Variants in BLK observed in about 807,000 individuals in gnomAD.
The protein encoded by BLK is BLK proto-oncogene, Src family tyrosine kinase, also known as tyrosine-protein kinase Blk.
In BLK, 64 loss-of-function variants were observed where a neutral mutation model predicts 61.8. The ratio of observed to expected loss-of-function variants is 1.03; its 90% CI spans 0.85 to 1.27. BLK has a LOEUF of 1.27. Among genes scored for constraint, BLK ranks in the 50% most tolerant of loss-of-function variants. The pLI, the probability that BLK is intolerant of heterozygous loss-of-function variation, is 0.00. For missense variants in BLK, 853 were observed against 660.5 expected, an observed-to-expected ratio of 1.29 and a Z score of -3.19; for synonymous variants, 351 against 272.0, an observed-to-expected ratio of 1.29 and a Z score of -2.86.
intron 1 of BLK, among the ~76,000 whole-genome samples, chr8:11,517,940 G>A (rs2618452): frequency 0.02 from 3,115 of 152,314 alleles, 104 homozygotes; most frequent in African/African-American, 0.072. Flanking sequence ...CCAGCCCTGT[G>A]CCCACTGAGG....
At chr8:11,499,650 G>C (rs1798483229) in intron 1 of BLK, among the ~76,000 whole-genome samples, 1 of 152,208 alleles carries the variant, frequency 6.6e-6, no homozygotes, top group African/African-American at 2.4e-5. Flanking sequence ...GAGAAGCCCA[G>C]AGAGGATGAC....
chr8:11,548,831 C>G (rs1312953990), intron 4 of BLK, among the ~76,000 whole-genome samples, 193 bp from the exon 5 acceptor site: 7 of 152,140 alleles, frequency 4.6e-5, no homozygotes, highest in African/African-American at 1.7e-4. Flanking sequence ...ATAAGCTCTT[C>G]CCCCTAGAAC....
At chr8:11,550,370 C>A in intron 6 of BLK, 108 bp downstream of exon 6, 1 of 1,057,424 alleles carries the variant, frequency 9.5e-7, no homozygotes, top group Non-Finnish European at 1.4e-6. Context: ...CCAGGAGAAC[C>A]AGCAGCTTCC....
At chr8:11,555,883 G>A in intron 8 of BLK, 1 of 339,434 alleles carries the variant, frequency 2.9e-6, no homozygotes, top group South Asian at 2.5e-5. Context: ...ACCGAGGGCA[G>A]CCGTGGGACT....
chr8:11,562,670 C>G (rs1801544260), intron 11 of BLK, among the ~76,000 whole-genome samples: 2 of 152,272 alleles, frequency 1.3e-5, no homozygotes, highest in South Asian at 4.1e-4. Flanking sequence ...CAGGCCCCTT[C>G]CATCCCAGGT....
rs1585423581 is a variant in BLK at position 11,561,454 on chromosome 8, T to C, written c.1180+2T>C. 6.2e-7 allele frequency: 1 copy of C among 1,613,416 alleles called. No homozygotes were observed. Among genetic ancestry groups the C allele is most frequent in the Non-Finnish European group, 8.5e-7 (1 of 1,179,794 alleles). ...ACAGTGAATACACGGCCCAAGAGGG[T>C]AAGCACAGCCCCTAACCACAAGGGA... On this transcript the variant is annotated splice_donor_variant, in intron 11 of 12. Transcript: ENST00000259089. LOFTEE classifies it high-confidence loss of function.
At chr8:11,562,929 T>C in intron 11 of BLK, 50 bp from the exon 12 acceptor site, 1 of 1,612,080 alleles carries the variant, frequency 6.2e-7, no homozygotes, top group African/African-American at 1.3e-5. Context: ...GGATGGAGGG[T>C]AGGGGCCACC....
At position 11,529,546 on chromosome 8, in the gene BLK, G is replaced by T. The variant is rs549373943; in HGVS notation, c.-1-13678G>T. Among the ~76,000 whole-genome samples, 8 of 152,256 alleles carry T rather than the reference G, an allele frequency of 5.3e-5. No homozygotes were observed. In the South Asian group the frequency reaches 1.0e-3, roughly 20 times the overall value. ...CAAGCGCTGATCTTAGGAGCAGTTT[G>T]GGGGGTGGGAGATCAGAATCTTGTA... On this transcript the variant is annotated intron_variant, in intron 1 of 12. Coordinates refer to ENST00000259089, the MANE Select transcript of BLK (RefSeq NM_001715.3).
intron 1 of BLK, among the ~76,000 whole-genome samples, chr8:11,512,654 T>TTTTGTTTGTTTGTTTG (rs34375861): frequency 8.6e-5 from 13 of 151,114 alleles, no homozygotes; most frequent in Admixed American, 8.6e-4. Flanking sequence ...AGGCTTCTGG[T>TTTTGTTTGTTTGTTTG]TTTGTTTGTT....
chr8:11,522,613 A>C (rs184105419), intron 1 of BLK, among the ~76,000 whole-genome samples: 1 of 152,290 alleles, frequency 6.6e-6, no homozygotes, highest in East Asian at 1.9e-4. Context: ...ATTTTGAAAC[A>C]GTGTCCCTTA....
intron 1 of BLK, among the ~76,000 whole-genome samples, chr8:11,511,916 C>T (rs981793080): frequency 2.0e-5 from 3 of 152,132 alleles, no homozygotes; most frequent in African/African-American, 7.2e-5. Flanking sequence ...CTCTTTCTGG[C>T]AGTGGATGCT....
chr8:11,548,206 C>A, intron 4 of BLK, 81 bp downstream of exon 4: 18 of 1,223,674 alleles, frequency 1.5e-5, no homozygotes, highest in Non-Finnish European at 2.0e-5. Flanking sequence ...ACCACATCCT[C>A]CATGGCTGAC....
chr8:11,550,996 T>C (rs1194158787), intron 6 of BLK, among the ~76,000 whole-genome samples: 1 of 152,040 alleles, frequency 6.6e-6, no homozygotes, highest in Non-Finnish European at 1.5e-5. Flanking sequence ...ACTCCCCCAC[T>C]TGGGCTCCTT....
In BLK at chr8:11,564,149, G is replaced by T; in HGVS notation, c.*41G>T. 1 of 1,531,776 alleles carries T rather than the reference G, an allele frequency of 6.5e-7. No individual in the cohort carries two copies. The highest frequency in any genetic ancestry group is 8.7e-7 in the Non-Finnish European group (1 of 1,143,406). The allele number at this position is 1,531,776 out of a possible 1,614,324, so 94.9% of individuals were successfully genotyped here. ...TGCGCCCCGTGCCCACCTCTGCGCG[G>T]ACGACCCCGACTTCCGTGCCATCCC... On this transcript the variant is annotated 3_prime_UTR_variant, in exon 13 of 13. Coordinates refer to ENST00000259089, the MANE Select transcript of BLK (RefSeq NM_001715.3).
intron 1 of BLK, among the ~76,000 whole-genome samples, chr8:11,513,420 G>T (rs1357215938): frequency 1.3e-5 from 2 of 152,166 alleles, no homozygotes; most frequent in South Asian, 2.1e-4. Context: ...TTACCCCCAG[G>T]CTCCTTTAGG....
intron 4 of BLK, 129 bp downstream of exon 4, chr8:11,548,254 G>C (rs1232699597): frequency 4.0e-6 from 3 of 759,112 alleles, no homozygotes; most frequent in African/African-American, 3.5e-5. Flanking sequence ...CCCAGCCCTG[G>C]CCCCAGCATT....
chr8:11,561,352 C>T lies in BLK; in HGVS notation c.1080C>T (p.Asp360=), dbSNP rs542354024. 1 of 1,614,146 alleles carries T rather than the reference C, an allele frequency of 6.2e-7. No individual in the cohort carries two copies. Among genetic ancestry groups the T allele is most frequent in the South Asian group, 1.1e-5 (1 of 91,060 alleles). ...AGCGCATGAATTCCATCCACCGCGA[C>T]CTGCGGGCGGCCAACATCCTGGTGT... The part of the protein sequence containing the change: ...YIERMNSIHR[D]LRAANILVSE... The change falls in exon 11 of 13, where the codon GAC becomes GAT. Residue 360 remains aspartate (D), a synonymous_variant. Coordinates refer to ENST00000259089, the MANE Select transcript of BLK (RefSeq NM_001715.3).
intron 8 of BLK, chr8:11,556,330 T>G (rs1801220477): frequency 2.5e-6 from 1 of 392,346 alleles, no homozygotes; most frequent in Non-Finnish European, 4.8e-6. Flanking sequence ...GGAGTTATTG[T>G]GTGATAGAAG....
At chr8:11,543,022 G>A (rs1445076379) in intron 1 of BLK, among the ~76,000 whole-genome samples, 1 of 152,136 alleles carries the variant, frequency 6.6e-6, no homozygotes, top group Non-Finnish European at 1.5e-5. Flanking sequence ...GCTTTCTGCT[G>A]TATGGGCCCC....
Sources: allele counts gnomAD v4.1 joint callset (sites outside exome capture counted in the v4.1 genomes callset), GRCh38; gene constraint gnomAD v4.1.1; transcripts MANE v1.5; gene names NCBI Gene and HGNC (gene_info 2026-07-23, HGNC 2026-07-21).